Variants in QDPR observed in about 807,000 individuals in gnomAD.
QDPR encodes dihydropteridine reductase.
A neutral mutation model predicts 31.7 loss-of-function variants in QDPR; 23 were observed. The observed-to-expected ratio is 0.73, with a 90% CI of 0.52 to 1.03. The LOEUF is 1.03. Ranked by LOEUF, QDPR falls within the 50% of genes least tolerant of loss-of-function variation. QDPR has a pLI of 0.00. For missense variants in QDPR, 324 were observed against 323.8 expected, an observed-to-expected ratio of 1.00 and a Z score of 0.00; for synonymous variants, 124 against 124.7, an observed-to-expected ratio of 0.99 and a Z score of 0.03.
Position 17,504,393 on chromosome 4 carries a change from T to A in QDPR, c.281A>T (p.Asn94Ile), listed in dbSNP as rs372593125. The A allele has an allele frequency of 1.2e-6, 2 of 1,614,066 alleles. No individual in the cohort carries two copies. Among genetic ancestry groups the A allele is most frequent in the South Asian group, 2.2e-5 (2 of 91,082 alleles). ...LCVAGGWAGG[N>I]AKSKSLFKNC... is the part of the protein sequence containing the mutation. Reference sequence around the variant, plus strand: ...AAAGGACTCACACTTGGATTTGGCATTGCCCCCGGCCCATCCTCCAGCAAC... The same window carrying A: ...AAAGGACTCACACTTGGATTTGGCAATGCCCCCGGCCCATCCTCCAGCAAC... Residue 94 changes from asparagine (N) to isoleucine (I), a missense_variant, in exon 3 of 7, where the codon AAT becomes ATT. By Grantham distance (149) the Asn-to-Ile change is moderately radical. Transcript: ENST00000281243.
Position 17,500,158 on chromosome 4 carries a change from T to C in QDPR, c.436+1561A>G, listed in dbSNP as rs537594799. ...TTTTAGTAGGGACAGGGTTTCATCG[T>C]GTTAGCCAGGGTGGTCTCAATCTCC... On this transcript the variant is annotated intron_variant, in intron 4 of 6. Coordinates refer to ENST00000281243, the MANE Select transcript of QDPR (RefSeq NM_000320.3). Among the ~76,000 whole-genome samples, 88 of 152,264 alleles carry C rather than the reference T, an allele frequency of 5.8e-4. 1 individual carries two copies. The South Asian group carries it at 9.8e-3, about 17-fold the overall frequency.
chr4:17,511,632 C>T (rs945896573), intron 1 of QDPR, among the ~76,000 whole-genome samples: 1 of 152,128 alleles, frequency 6.6e-6, no homozygotes, highest in Non-Finnish European at 1.5e-5. Flanking sequence ...TCCTTCTACA[C>T]TCTCTCTCCG....
intron 5 of QDPR, 62 bp from the exon 6 acceptor site, chr4:17,490,807 T>TC (rs1718137269): frequency 9.3e-6 from 13 of 1,392,918 alleles, no homozygotes; most frequent in Non-Finnish European, 1.3e-5. Context: ...AGGTGCCCAG[T>TC]CCCCCTTGGC....
At chr4:17,504,287 A>G in intron 3 of QDPR, 92 bp downstream of exon 3, 2 of 1,078,866 alleles carry the variant, frequency 1.9e-6, no homozygotes, top group Non-Finnish European at 2.9e-6. Flanking sequence ...TACACAAAAA[A>G]ACAGCTGGCC....
At chr4:17,490,811 C>T in intron 5 of QDPR, 66 bp from the exon 6 acceptor site, 1 of 1,357,902 alleles carries the variant, frequency 7.4e-7, no homozygotes. Context: ...GCCCAGTCCC[C>T]CTTGGCCAGG....
At chr4:17,491,277 A>C (rs931541231) in intron 5 of QDPR, among the ~76,000 whole-genome samples, 1 of 152,234 alleles carries the variant, frequency 6.6e-6, no homozygotes, top group African/African-American at 2.4e-5. Context: ...AATCATTCGA[A>C]TCATTCAAAA....
chr4:17,503,458 C>T (rs568418599), intron 3 of QDPR, among the ~76,000 whole-genome samples: 12 of 152,120 alleles, frequency 7.9e-5, no homozygotes, highest in South Asian at 2.1e-4. Context: ...GAGAAACACG[C>T]GGAAATATAG....
At chr4:17,505,348 G>A in intron 2 of QDPR, among the ~76,000 whole-genome samples, 1 of 147,564 alleles carries the variant, frequency 6.8e-6, no homozygotes, top group East Asian at 2.1e-4. Flanking sequence ...CCCGGTTCAA[G>A]CGAATCTCCT....
Position 17,488,164 on chromosome 4 carries a change from G to T in QDPR, c.630-928C>A, listed in dbSNP as rs529139473. Among the ~76,000 whole-genome samples, 92 of 152,142 alleles carry T rather than the reference G, an allele frequency of 6.0e-4. 1 individual carries two copies. The South Asian group carries it at 0.018, about 30-fold the overall frequency. On this transcript the variant is annotated intron_variant, in intron 6 of 6. Coordinates refer to ENST00000281243, the MANE Select transcript of QDPR (RefSeq NM_000320.3). The stretch of plus-strand genomic sequence containing the variant: ...TAGTCCCAGCTACTCAGGAGGCTGT[G>T]GTGGGATGATTGCTTGAGCCCCGGA...
chr4:17,493,270 C>T (rs1718230674), intron 4 of QDPR, among the ~76,000 whole-genome samples: 1 of 152,048 alleles, frequency 6.6e-6, no homozygotes, highest in South Asian at 2.1e-4. Context: ...GTAGTGGGAC[C>T]CCATCTCTAC....
chr4:17,487,221 C>A lies in QDPR; in HGVS notation c.645G>T (p.Trp215Cys). 1 of 1,613,964 alleles carries A rather than the reference C, an allele frequency of 6.2e-7. No individual in the cohort carries two copies. The highest frequency in any genetic ancestry group is 8.5e-7 in the Non-Finnish European group (1 of 1,179,920). ...LEFLVETFHD[W>C]ITGKNRPSSG... The stretch of plus-strand genomic sequence containing the variant: ...AGCTCGGTCGGTTTTTCCCTGTGAT[C>A]CAGTCATGGAAAGTTCTGGAACAGA... The change falls in exon 7 of 7, where the codon TGG (tryptophan) becomes TGT (cysteine). Residue 215 changes from tryptophan to cysteine, a missense_variant. Trp to Cys is a radical substitution (Grantham distance 215). Coordinates refer to ENST00000281243, the MANE Select transcript of QDPR (RefSeq NM_000320.3).
At chr4:17,495,916 GA>G (rs1229431737) in intron 4 of QDPR, among the ~76,000 whole-genome samples, 41 of 152,016 alleles carry the variant, frequency 2.7e-4, no homozygotes, top group African/African-American at 8.0e-4. Flanking sequence ...GGCTGAGGTG[GA>G]AAGACGGCTG....
chr4:17,493,625 G>A (rs1430626417), intron 4 of QDPR, among the ~76,000 whole-genome samples: 2 of 152,164 alleles, frequency 1.3e-5, no homozygotes, highest in Non-Finnish European at 2.9e-5. Context: ...GGAACAGCCA[G>A]GTGGAATGAC....
intron 2 of QDPR, among the ~76,000 whole-genome samples, chr4:17,505,601 C>A (rs1211156132): frequency 6.6e-6 from 1 of 152,166 alleles, no homozygotes; most frequent in Non-Finnish European, 1.5e-5. Context: ...CCAGTAGTCC[C>A]AGCACTTTGG....
At chr4:17,503,666 T>C (rs1286127231) in intron 3 of QDPR, among the ~76,000 whole-genome samples, 1 of 152,134 alleles carries the variant, frequency 6.6e-6, no homozygotes, top group Non-Finnish European at 1.5e-5. Context: ...AGTTGAAAAA[T>C]GGGCCAGGCG....
intron 4 of QDPR, among the ~76,000 whole-genome samples, chr4:17,500,939 T>C (rs560839297): frequency 6.6e-6 from 1 of 152,250 alleles, no homozygotes; most frequent in Admixed American, 6.5e-5. Flanking sequence ...ATATGTGAAA[T>C]GAAAAGAGTG....
In QDPR at chr4:17,501,713, G is replaced by A. The variant is rs894875402; in HGVS notation, c.436+6C>T. 3.7e-6 allele frequency: 6 copies of A among 1,613,602 alleles called. No homozygotes were observed. Among genetic ancestry groups the A allele is most frequent in the Middle Eastern group, 1.7e-4 (1 of 5,934 alleles). On this transcript the variant is annotated splice_donor_region_variant and intron_variant, in intron 4 of 6. Coordinates refer to ENST00000281243, the MANE Select transcript of QDPR (RefSeq NM_000320.3). ...CCACTCCACAGATAGGGAAATAAAG[G>A]CTTACCAGGAGTCCCATCCAGGGCA...
In QDPR at chr4:17,500,879, C is replaced by G. The variant is rs145331647; in HGVS notation, c.436+840G>C. On this transcript the variant is annotated intron_variant, in intron 4 of 6. Transcript: ENST00000281243. ...TACTTAACTCTCCAAGTTTTAGTTT[C>G]CTAACCTGTAAACTGAAAAAGATAA... is the stretch of plus-strand genomic sequence containing the variant. Among the ~76,000 whole-genome samples, 231 of 152,296 alleles carry G rather than the reference C, an allele frequency of 1.5e-3. 2 individuals carry two copies. The highest frequency in any genetic ancestry group is 5.4e-3 in the African/African-American group (225 of 41,554).
chr4:17,502,676 G>A (rs1394334018), intron 3 of QDPR, among the ~76,000 whole-genome samples: 1 of 152,224 alleles, frequency 6.6e-6, no homozygotes, highest in Non-Finnish European at 1.5e-5. Flanking sequence ...GTCACAGAAT[G>A]TCAACGTCTT....
Sources: gnomAD v4.1 joint callset for allele counts (sites outside exome capture counted in the v4.1 genomes callset) on GRCh38, gnomAD v4.1.1 for gene constraint, MANE v1.5 for transcripts, NCBI Gene and HGNC (gene_info 2026-07-23, HGNC 2026-07-21) for gene names.